CSMD1: variants seen among roughly 807,000 people sequenced by gnomAD.
The protein encoded by CSMD1 is CUB and Sushi multiple domains 1, also known as CUB and sushi domain-containing protein 1.
CSMD1 carries 213 observed loss-of-function variants against 417.5 expected under a neutral mutation model. That is an observed-to-expected ratio of 0.51 (90% confidence interval 0.46 to 0.57). The LOEUF (loss-of-function observed/expected upper bound fraction) is 0.57. Among genes scored for constraint, CSMD1 ranks in the 20% least tolerant of loss-of-function variants. CSMD1 has a pLI of 0.00. For missense variants in CSMD1, 6,923 were observed against 4,529.7 expected, an observed-to-expected ratio of 1.53 and a Z score of -15.17; for synonymous variants, 2,862 against 1,736.8, an observed-to-expected ratio of 1.65 and a Z score of -16.11.
intron 3 of CSMD1, among the ~76,000 whole-genome samples, chr8:4,078,356 G>A (rs1013603378): frequency 1.9e-4 from 25 of 132,086 alleles, no homozygotes; most frequent in African/African-American, 6.2e-4. Flanking sequence ...GCTCTGTGTC[G>A]CAGGCTGGAG....
At chr8:3,965,377 G>C (rs1233108729) in intron 5 of CSMD1, among the ~76,000 whole-genome samples, 2 of 152,164 alleles carry the variant, frequency 1.3e-5, no homozygotes, top group East Asian at 3.9e-4. Flanking sequence ...GTGTGAACAA[G>C]CGTTCTACAA....
At chr8:3,545,325 C>G (rs1238607692) in intron 10 of CSMD1, among the ~76,000 whole-genome samples, 1 of 152,170 alleles carries the variant, frequency 6.6e-6, no homozygotes, top group Non-Finnish European at 1.5e-5. Context: ...CTCTATAGTA[C>G]TACATAAACT....
At chr8:4,388,073 AT>A (rs1167904760) in intron 3 of CSMD1, among the ~76,000 whole-genome samples, 1 of 152,196 alleles carries the variant, frequency 6.6e-6, no homozygotes, top group South Asian at 2.1e-4. Flanking sequence ...ATTTGGACTA[AT>A]GTCAGAAGTA....
intron 2 of CSMD1, among the ~76,000 whole-genome samples, chr8:4,421,934 G>T (rs1017580006): frequency 1.3e-5 from 2 of 151,842 alleles, no homozygotes; most frequent in Non-Finnish European, 2.9e-5. Flanking sequence ...AGTTTCAGAA[G>T]GTACAAAGAG....
intron 1 of CSMD1, among the ~76,000 whole-genome samples, chr8:4,823,328 G>GT (rs1799622597): frequency 6.6e-6 from 1 of 151,808 alleles, no homozygotes; most frequent in Non-Finnish European, 1.5e-5. Context: ...TGATGACTTA[G>GT]TTTTTAAAAT....
At chr8:4,275,967 A>C (rs1377065475) in intron 3 of CSMD1, among the ~76,000 whole-genome samples, 1 of 152,228 alleles carries the variant, frequency 6.6e-6, no homozygotes, top group African/African-American at 2.4e-5. Context: ...AAAGTCAGGA[A>C]ACAGCAGATG....
intron 3 of CSMD1, among the ~76,000 whole-genome samples, chr8:4,284,276 A>C (rs902796047): frequency 1.3e-5 from 2 of 152,058 alleles, no homozygotes; most frequent in African/African-American, 4.8e-5. Flanking sequence ...GCTGAGACAC[A>C]AGAATTGCTT....
Position 3,506,385 on chromosome 8 carries a change from G to C in CSMD1, c.1345-12659C>G, listed in dbSNP as rs534665126. Among the ~76,000 whole-genome samples, 55 of 152,282 alleles carry C rather than the reference G, an allele frequency of 3.6e-4. 1 individual carries two copies. The highest frequency in any genetic ancestry group is 1.3e-3 in the African/African-American group (53 of 41,568). ...TAACAAGAACACTGGAGGTAGGGGA[G>C]TAAACACGTTTTTACACATGTGTAG... On this transcript the variant is annotated intron_variant, in intron 10 of 69. Coordinates refer to ENST00000635120, the MANE Select transcript of CSMD1 (RefSeq NM_033225.6).
intron 3 of CSMD1, among the ~76,000 whole-genome samples, chr8:4,381,180 C>A (rs1050742549): frequency 6.6e-6 from 1 of 152,274 alleles, no homozygotes; most frequent in Admixed American, 6.5e-5. Flanking sequence ...TATTACAGTT[C>A]TCTACGGTAC....
intron 3 of CSMD1, among the ~76,000 whole-genome samples, chr8:4,154,874 T>C (rs533192738): frequency 6.6e-6 from 1 of 152,208 alleles, no homozygotes. Flanking sequence ...GTCAGCTGCA[T>C]CACAGTCCAC....
intron 3 of CSMD1, among the ~76,000 whole-genome samples, chr8:4,168,534 C>T (rs899038177): frequency 1.3e-5 from 2 of 151,928 alleles, no homozygotes; most frequent in Non-Finnish European, 2.9e-5. Context: ...GTTACAGACA[C>T]AGAACACAAC....
At chr8:3,838,737 A>G (rs1363392915) in intron 5 of CSMD1, among the ~76,000 whole-genome samples, 1 of 76,242 alleles carries the variant, frequency 1.3e-5, no homozygotes, top group East Asian at 3.5e-4. Context: ...AATATTATAT[A>G]GTATAATATA....
chr8:3,184,925 C>T (rs766083949), intron 36 of CSMD1, among the ~76,000 whole-genome samples: 108 of 152,210 alleles, frequency 7.1e-4, no homozygotes, highest in African/African-American at 2.6e-3. Flanking sequence ...AAAATCTAGC[C>T]TAAGTGCATC....
Position 4,920,987 on chromosome 8 carries a change from AAAG to A in CSMD1, c.85+73342_85+73344del, listed in dbSNP as rs1293471697. Among the ~76,000 whole-genome samples the A allele has an allele frequency of 2.0e-4, 11 of 54,332 alleles. 2 individuals carry two copies. The highest frequency in any genetic ancestry group is 1.3e-3 in the Admixed American group (5 of 3,934). 35.6% of individuals were successfully genotyped at this position (54,332 alleles called of 152,430 possible). A position where few individuals can be genotyped will look rare whatever the true frequency, so the allele number is the denominator to read the frequency against. On this transcript the variant is annotated intron_variant, in intron 1 of 69. Transcript: ENST00000635120. ...GAAAGAAAGAAAGAAAGAAACAAAG[AAAG>A]AAAGAAAAGAAAGAAAGAAAGAAAA... is the stretch of plus-strand genomic sequence containing the variant.
intron 3 of CSMD1, among the ~76,000 whole-genome samples, chr8:4,417,719 A>G (rs79533323): frequency 0.02 from 3,059 of 152,150 alleles, 93 homozygotes; most frequent in African/African-American, 0.069. Context: ...GAGGTATCAG[A>G]AAGAGAATTT....
intron 12 of CSMD1, among the ~76,000 whole-genome samples, chr8:3,461,444 G>T (rs1021699685): frequency 5.9e-5 from 9 of 152,182 alleles, no homozygotes; most frequent in African/African-American, 2.2e-4. Flanking sequence ...TGGAATACAT[G>T]GGGCCAGGAA....
Position 3,766,005 on chromosome 8 carries a change from G to T in CSMD1, c.819-11963C>A, listed in dbSNP as rs570366852. 2.0e-5 allele frequency among the ~76,000 whole-genome samples: 3 copies of T among 152,338 alleles called. No individual in the cohort carries two copies. The South Asian group carries it at 6.2e-4, about 32-fold the overall frequency. On this transcript the variant is annotated intron_variant, in intron 5 of 69. Coordinates refer to ENST00000635120, the MANE Select transcript of CSMD1 (RefSeq NM_033225.6). Reference sequence around the variant, plus strand: ...AGGTCAGGCAGAGAGGATCATTTGGGAGAGGATGTGACAAAGCCCATCTTC... The same window carrying T: ...AGGTCAGGCAGAGAGGATCATTTGGTAGAGGATGTGACAAAGCCCATCTTC...
intron 3 of CSMD1, among the ~76,000 whole-genome samples, chr8:4,165,473 T>G (rs370700533): frequency 5.6e-4 from 85 of 152,338 alleles, no homozygotes; most frequent in African/African-American, 1.9e-3. Context: ...TGGCAGTCAT[T>G]GCTCACTGTA....
chr8:4,131,976 G>A (rs1399644061), intron 3 of CSMD1, among the ~76,000 whole-genome samples: 2 of 151,932 alleles, frequency 1.3e-5, no homozygotes, highest in African/African-American at 2.4e-5. Context: ...ATGTTAGCCA[G>A]GATGGTCTCG....
Sources: gnomAD v4.1 joint callset for allele counts (sites outside exome capture counted in the v4.1 genomes callset) on GRCh38, gnomAD v4.1.1 for gene constraint, MANE v1.5 for transcripts, NCBI Gene and HGNC (gene_info 2026-07-23, HGNC 2026-07-21) for gene names.